TSPAN15: variants seen among roughly 807,000 people sequenced by gnomAD.
The protein encoded by TSPAN15 is tetraspanin-15.
Under a neutral mutation model 34.5 loss-of-function variants are expected in TSPAN15, and 20 were observed. The ratio of observed to expected loss-of-function variants is 0.58; its 90% CI spans 0.41 to 0.84. The LOEUF is 0.84. Ranked by LOEUF, TSPAN15 falls within the 40% of genes least tolerant of loss-of-function variation. The pLI, the probability that TSPAN15 is intolerant of heterozygous loss-of-function variation, is 0.00. For missense variants in TSPAN15, 313 were observed against 386.1 expected (o/e 0.81, Z 1.59); for synonymous variants, 155 against 153.9 (o/e 1.01, Z -0.05).
intron 3 of TSPAN15, among the ~76,000 whole-genome samples, chr10:69,491,158 C>T (rs943240858): frequency 9.8e-5 from 15 of 152,346 alleles, no homozygotes; most frequent in South Asian, 2.1e-4. Context: ...TCACTCCACA[C>T]GCCCCTTCCC....
At chr10:69,501,751 G>A (rs971787910) in intron 5 of TSPAN15, among the ~76,000 whole-genome samples, 1 of 152,186 alleles carries the variant, frequency 6.6e-6, no homozygotes, top group African/African-American at 2.4e-5. Flanking sequence ...TCAGTGGCTT[G>A]TTAGGAACCA....
At position 69,455,327 on chromosome 10, in the gene TSPAN15, G is replaced by T. The variant is rs191845369; in HGVS notation, c.96+3637G>T. Among the ~76,000 whole-genome samples the T allele has an allele frequency of 7.2e-3, 1,091 of 151,640 alleles. 4 individuals are homozygous for T. The highest frequency in any genetic ancestry group is 0.027 in the Middle Eastern group (8 of 294). On this transcript the variant is annotated intron_variant, in intron 1 of 7. Coordinates refer to ENST00000373290, the MANE Select transcript of TSPAN15 (RefSeq NM_012339.5). ...CAAACATATGTATATTTAAAATAAG[G>T]TAGCACACTATACACAGAACTACGT...
intron 6 of TSPAN15, 101 bp downstream of exon 6, chr10:69,504,586 A>C: frequency 1.7e-6 from 2 of 1,201,676 alleles, no homozygotes; most frequent in Non-Finnish European, 1.2e-6. Flanking sequence ...GGCCACTGAG[A>C]TTTTCCCACA....
At chr10:69,522,741 G>A in the TSPAN15 span, among the ~76,000 whole-genome samples, 1 of 147,522 alleles carries the variant, frequency 6.8e-6, no homozygotes, top group African/African-American at 2.5e-5. Flanking sequence ...GTTTCATTCC[G>A]AAACCATCCC....
At chr10:69,467,080 G>A (rs534509744) in intron 1 of TSPAN15, among the ~76,000 whole-genome samples, 7 of 152,244 alleles carry the variant, frequency 4.6e-5, no homozygotes, top group African/African-American at 1.7e-4. Context: ...TTGGCTTGTC[G>A]CATGCATCTT....
At chr10:69,456,967 C>A (rs1437507410) in intron 1 of TSPAN15, among the ~76,000 whole-genome samples, 1 of 152,152 alleles carries the variant, frequency 6.6e-6, no homozygotes, top group African/African-American at 2.4e-5. Flanking sequence ...CAGGTAGGTG[C>A]TCCTTGGCCC....
chr10:69,533,373 G>C, the TSPAN15 span, among the ~76,000 whole-genome samples: 2 of 152,246 alleles, frequency 1.3e-5, no homozygotes, highest in African/African-American at 2.4e-5. Flanking sequence ...CAGCAACCTA[G>C]ATGAGATTGG....
At position 69,507,580 on chromosome 10, in the gene TSPAN15, G is replaced by C; in HGVS notation, c.*602G>C. 7.7e-7 allele frequency: 1 copy of C among 1,303,746 alleles called. No individual in the cohort carries two copies. Among genetic ancestry groups the C allele is most frequent in the African/African-American group, 1.5e-5 (1 of 65,828 alleles). The allele number at this position is 1,303,746 out of a possible 1,614,324, so 80.8% of individuals were successfully genotyped here. A position where few individuals can be genotyped will look rare whatever the true frequency, so the allele number is the denominator to read the frequency against. On this transcript the variant is annotated 3_prime_UTR_variant, in exon 8 of 8. Transcript: ENST00000373290. ...TAACAGGAGTTTCTGACTAATCAAA[G>C]CTGGTATTTCCCCGCATGTCTTATT...
At chr10:69,455,626 C>CTCCG (rs1491105874) in intron 1 of TSPAN15, among the ~76,000 whole-genome samples, 1 of 45,104 alleles carries the variant, frequency 2.2e-5, no homozygotes, top group African/African-American at 8.1e-5. Flanking sequence ...CTCTCTCTCT[C>CTCCG]CCCCCCCCGT....
intron 3 of TSPAN15, among the ~76,000 whole-genome samples, chr10:69,493,462 C>T (rs1337385667): frequency 4.7e-5 from 7 of 149,924 alleles, no homozygotes; most frequent in Non-Finnish European, 1.0e-4. Context: ...TTTCTCCGAG[C>T]CCATCTCCTT....
chr10:69,533,660 T>C, the TSPAN15 span, among the ~76,000 whole-genome samples: 1 of 149,308 alleles, frequency 6.7e-6, no homozygotes, highest in South Asian at 2.1e-4. Flanking sequence ...CAATAACTTA[T>C]GGAAAAAGAA....
At chr10:69,521,504 AG>A in the TSPAN15 span, among the ~76,000 whole-genome samples, 1 of 147,832 alleles carries the variant, frequency 6.8e-6, no homozygotes, top group Non-Finnish European at 1.5e-5. Context: ...AAAATTAGCC[AG>A]GCGTGGTTGC....
At chr10:69,491,018 C>G (rs1056446105) in intron 3 of TSPAN15, among the ~76,000 whole-genome samples, 5 of 152,180 alleles carry the variant, frequency 3.3e-5, no homozygotes, top group African/African-American at 1.2e-4. Flanking sequence ...ACGGGTGTGC[C>G]CCACTGTGGA....
intron 1 of TSPAN15, among the ~76,000 whole-genome samples, chr10:69,470,482 C>T (rs1841481236): frequency 6.6e-6 from 1 of 152,186 alleles, no homozygotes; most frequent in African/African-American, 2.4e-5. Flanking sequence ...TGCTTCTAGA[C>T]ACCTTCACAT....
At chr10:69,463,687 A>G (rs1331788076) in intron 1 of TSPAN15, among the ~76,000 whole-genome samples, 1 of 151,930 alleles carries the variant, frequency 6.6e-6, no homozygotes, top group African/African-American at 2.4e-5. Context: ...GCACATGCCT[A>G]TAATCCCAGT....
chr10:69,458,984 C>T (rs978336330), intron 1 of TSPAN15, among the ~76,000 whole-genome samples: 2 of 151,756 alleles, frequency 1.3e-5, no homozygotes, highest in Non-Finnish European at 2.9e-5. Context: ...GGGTGGGGCT[C>T]ACGGTCAACC....
At chr10:69,547,528 CTT>C in the TSPAN15 span, among the ~76,000 whole-genome samples, 11 of 152,262 alleles carry the variant, frequency 7.2e-5, no homozygotes, top group Non-Finnish European at 1.3e-4. Flanking sequence ...AATAGAAAGT[CTT>C]ATATTTTTCC....
chr10:69,508,648 A>AAACAAACG (rs1055700079), downstream of TSPAN15, among the ~76,000 whole-genome samples: 1 of 152,026 alleles, frequency 6.6e-6, no homozygotes, highest in African/African-American at 2.4e-5. Context: ...AATAACAAAC[A>AAACAAACG]CACCATAGAG....
At chr10:69,543,450 C>G in the TSPAN15 span, among the ~76,000 whole-genome samples, 1 of 152,320 alleles carries the variant, frequency 6.6e-6, no homozygotes, top group East Asian at 1.9e-4. Flanking sequence ...CGTCCACTGT[C>G]TATTTGTTGA....
Sources: gnomAD v4.1 joint callset for allele counts (sites outside exome capture counted in the v4.1 genomes callset) on GRCh38, gnomAD v4.1.1 for gene constraint, MANE v1.5 for transcripts, NCBI Gene and HGNC (gene_info 2026-07-23, HGNC 2026-07-21) for gene names.